Variants in CFAP47 observed in about 807,000 individuals in gnomAD.
CFAP47 encodes cilia- and flagella-associated protein 47.
In CFAP47, 29 loss-of-function variants were observed where a neutral mutation model predicts 148.1. That is an observed-to-expected ratio of 0.20 (90% CI 0.15 to 0.27). The LOEUF is 0.27. Ranked by LOEUF, CFAP47 falls within the 10% of genes least tolerant of loss-of-function variation. The pLI, the probability that CFAP47 is intolerant of heterozygous loss-of-function variation, is 1.00. For synonymous variants in CFAP47, 664 were observed against 577.3 expected (o/e 1.15, Z -2.15); for missense variants, 1,872 against 1,697.5 (o/e 1.10, Z -1.81).
chrX:36,232,679 C>T (rs1940383953), intron 46 of CFAP47, among the ~76,000 whole-genome samples: 1 of 111,412 alleles, frequency 9.0e-6, no homozygotes, highest in East Asian at 2.8e-4. Context: ...TTTGCTCTTG[C>T]TTTTCTAGTT....
chrX:35,982,365 T>C (rs1187305456), intron 15 of CFAP47, among the ~76,000 whole-genome samples: 1 of 111,863 alleles, frequency 8.9e-6, no homozygotes, highest in Non-Finnish European at 1.9e-5. Flanking sequence ...ATTAGACTTT[T>C]GTCAGATACG....
intron 27 of CFAP47, among the ~76,000 whole-genome samples, chrX:36,069,627 C>T (rs1937709979): frequency 9.0e-6 from 1 of 110,750 alleles, no homozygotes; most frequent in African/African-American, 3.3e-5. Flanking sequence ...TGCTCAGTGC[C>T]TTATATTTGT....
intron 57 of CFAP47, among the ~76,000 whole-genome samples, chrX:36,341,068 G>T (rs7051890): frequency 0.11 from 10,264 of 93,781 alleles, 504 homozygotes; most frequent in East Asian, 0.26. Context: ...GCAAAGTCTC[G>T]TCCTGTCACC....
rs1044116375 is a variant in CFAP47 at position 35,919,967 on chromosome X, G to A, written c.168G>A (p.Arg56=). ...EVKFLDTMAG[R]VYRLPITVHN... is the part of the protein sequence containing the mutation. ...AGTTCCTGGACACGATGGCCGGGAG[G>A]GTGTACCGCCTCCCGATTACTGTGC... Residue 56 remains arginine, a synonymous_variant, in exon 1 of 64, where the codon AGG becomes AGA. Coordinates refer to ENST00000378653, the MANE Select transcript of CFAP47 (RefSeq NM_001304548.2). 2.5e-6 allele frequency: 3 copies of A among 1,210,542 alleles called. No homozygotes were observed. The highest frequency in any genetic ancestry group is 2.2e-6 in the Non-Finnish European group (2 of 894,911).
chrX:36,194,698 G>A (rs1173549017), intron 42 of CFAP47, among the ~76,000 whole-genome samples: 4 of 111,012 alleles, frequency 3.6e-5, no homozygotes, highest in African/African-American at 6.6e-5. Context: ...TGAAGGGGGC[G>A]GTGCTACACA....
intron 21 of CFAP47, among the ~76,000 whole-genome samples, chrX:36,003,485 A>G (rs1045029796): frequency 9.2e-6 from 1 of 109,085 alleles, no homozygotes; most frequent in African/African-American, 3.3e-5. Context: ...TGGTGTCTCC[A>G]CTTCTATTTT....
At chrX:36,340,565 G>C (rs1177767233) in intron 57 of CFAP47, among the ~76,000 whole-genome samples, 1 of 111,424 alleles carries the variant, frequency 9.0e-6, no homozygotes, top group East Asian at 2.8e-4. Context: ...GTGTCTCTCT[G>C]TGTTCAAATT....
intron 50 of CFAP47, among the ~76,000 whole-genome samples, chrX:36,281,434 A>G (rs1941078441): frequency 8.9e-6 from 1 of 112,205 alleles, no homozygotes; most frequent in Non-Finnish European, 1.9e-5. Context: ...GCAAGCCAGC[A>G]GGCTAAAAAG....
intron 30 of CFAP47, among the ~76,000 whole-genome samples, chrX:36,096,393 A>G (rs1938277181): frequency 9.0e-6 from 1 of 110,915 alleles, no homozygotes; most frequent in Non-Finnish European, 1.9e-5. Flanking sequence ...ATGAAGTCTG[A>G]TGTTTTTTTC....
intron 51 of CFAP47, 25 bp from the exon 52 acceptor site, chrX:36,298,952 T>C: frequency 9.6e-7 from 1 of 1,040,938 alleles, no homozygotes; most frequent in Non-Finnish European, 1.3e-6. Flanking sequence ...TAAAAGTTGA[T>C]TACATATTTG....
At chrX:35,975,475 AGAAGC>A in intron 14 of CFAP47, 112 bp downstream of exon 14, 1 of 628,738 alleles carries the variant, frequency 1.6e-6, no homozygotes, top group Non-Finnish European at 2.4e-6. Flanking sequence ...CTCCAAACAT[AGAAGC>A]TATATGTGCA....
chrX:36,251,595 A>G (rs1940693679), intron 49 of CFAP47, among the ~76,000 whole-genome samples, 151 bp downstream of exon 49: 1 of 111,819 alleles, frequency 8.9e-6, no homozygotes. Flanking sequence ...TTAGCTTTCT[A>G]AGTAATCAGG....
At chrX:35,925,977 A>G (rs772331163) in intron 1 of CFAP47, 40 bp from the exon 2 acceptor site, 25 of 1,103,761 alleles carry the variant, frequency 2.3e-5, no homozygotes, top group Non-Finnish European at 3.1e-5. Context: ...TTTTATAAGG[A>G]GTTAAAATGT....
At chrX:36,328,284 A>C (rs930852611) in intron 57 of CFAP47, among the ~76,000 whole-genome samples, 1 of 111,895 alleles carries the variant, frequency 8.9e-6, no homozygotes, top group African/African-American at 3.2e-5. Context: ...ACTAAATACT[A>C]AAAAATCTGA....
At chrX:36,130,600 G>T (rs1938929827) in intron 33 of CFAP47, among the ~76,000 whole-genome samples, 1 of 111,032 alleles carries the variant, frequency 9.0e-6, no homozygotes, top group Non-Finnish European at 1.9e-5. Flanking sequence ...CAGGAAACCA[G>T]TATATTGAAC....
chrX:36,079,620 G>A (rs758835942), intron 29 of CFAP47, among the ~76,000 whole-genome samples: 7 of 111,235 alleles, frequency 6.3e-5, no homozygotes, highest in Admixed American at 2.9e-4. Context: ...AGATAGGTTC[G>A]AACATCCTCC....
At chrX:36,233,737 T>C (rs782311274) in intron 46 of CFAP47, among the ~76,000 whole-genome samples, 1 of 111,745 alleles carries the variant, frequency 8.9e-6, no homozygotes, top group African/African-American at 3.3e-5. Flanking sequence ...TGGCATGATT[T>C]TGCAGTGGCT....
intron 23 of CFAP47, among the ~76,000 whole-genome samples, chrX:36,033,604 C>A (rs1380821683): frequency 9.0e-6 from 1 of 111,027 alleles, no homozygotes; most frequent in Non-Finnish European, 1.9e-5. Context: ...TGTAAATTAA[C>A]CTTTTATAGT....
intron 57 of CFAP47, among the ~76,000 whole-genome samples, chrX:36,335,368 A>T (rs1452217591): frequency 9.0e-6 from 1 of 111,527 alleles, no homozygotes; most frequent in African/African-American, 3.3e-5. Flanking sequence ...AAACTACTTT[A>T]AATTGTCATC....
Sources: gnomAD v4.1 joint callset for allele counts (sites outside exome capture counted in the v4.1 genomes callset) on GRCh38, gnomAD v4.1.1 for gene constraint, MANE v1.5 for transcripts, NCBI Gene and HGNC (gene_info 2026-07-23, HGNC 2026-07-21) for gene names.